CHD2: variants seen among roughly 807,000 people sequenced by gnomAD.
CHD2 encodes the protein ATP-dependent chromatin remodeler CHD2.
Under a neutral mutation model 243.9 loss-of-function variants are expected in CHD2, and 28 were observed. The ratio of observed to expected loss-of-function variants is 0.11; its 90% CI spans 0.09 to 0.16. The LOEUF is 0.16. Among genes scored for constraint, CHD2 ranks in the 10% least tolerant of loss-of-function variants. The probability of loss-of-function intolerance (pLI) is 1.00; values close to 1 mark genes in which losing one functional copy is unlikely to be tolerated. For missense variants in CHD2, 1,386 were observed against 2,209.8 expected (o/e 0.63, Z 7.47); for synonymous variants, 775 against 779.0 (o/e 0.99, Z 0.09).
At chr15:92,984,604 G>C (rs1365122357) in intron 25 of CHD2, 104 bp downstream of exon 25, 3 of 1,082,350 alleles carry the variant, frequency 2.8e-6, no homozygotes, top group African/African-American at 1.6e-5. Flanking sequence ...CCCTGACACA[G>C]AGGCTTCAGG....
chr15:92,962,356 A>G (rs1180123927), intron 16 of CHD2, among the ~76,000 whole-genome samples: 1 of 152,094 alleles, frequency 6.6e-6, no homozygotes, highest in African/African-American at 2.4e-5. Flanking sequence ...CATCCTGTAA[A>G]TACTGATAAT....
At chr15:92,915,682 T>C (rs2052821114) in intron 2 of CHD2, among the ~76,000 whole-genome samples, 1 of 152,254 alleles carries the variant, frequency 6.6e-6, no homozygotes, top group South Asian at 2.1e-4. Flanking sequence ...ATATGTTTTG[T>C]GTTTTAAAAA....
intron 34 of CHD2, among the ~76,000 whole-genome samples, chr15:93,006,470 C>T (rs956037928): frequency 7.2e-5 from 11 of 152,166 alleles, no homozygotes; most frequent in Admixed American, 2.6e-4. Context: ...ATTCTGAATT[C>T]GATGTTTATA....
rs1378268018 is a variant in CHD2 at position 93,024,389 on chromosome 15, A to G, written c.5171A>G (p.Lys1724Arg). 8.7e-6 allele frequency: 14 copies of G among 1,613,604 alleles called. No homozygotes were observed. Among genetic ancestry groups the G allele is most frequent in the Non-Finnish European group, 1.2e-5 (14 of 1,179,814 alleles). Residue 1724 changes from lysine (K) to arginine (R), a missense_variant, in exon 39 of 39, where the codon AAG (lysine) becomes AGG (arginine). Coordinates refer to ENST00000394196, the MANE Select transcript of CHD2 (RefSeq NM_001271.4). ...DYYDRHHHDS[K>R]RRRSDEFRPQ... Reference sequence around the variant, plus strand: ...TATTTCAGGCACCATCATGACTCCAAGCGGAGGAGATCCGATGAATTTAGG... The same window carrying G: ...TATTTCAGGCACCATCATGACTCCAGGCGGAGGAGATCCGATGAATTTAGG...
At chr15:92,993,087 G>GTGTGGTCCTCA in intron 28 of CHD2, 89 bp downstream of exon 28, 1 of 1,394,508 alleles carries the variant, frequency 7.2e-7, no homozygotes, top group Non-Finnish European at 1.0e-6. Context: ...GGACAGGCTT[G>GTGTGGTCCTCA]AGGACCACAC....
intron 24 of CHD2, among the ~76,000 whole-genome samples, chr15:92,983,564 T>TG (rs2054006028): frequency 6.6e-6 from 1 of 152,188 alleles, no homozygotes; most frequent in Admixed American, 6.5e-5. Context: ...GGAGCCAGGC[T>TG]GGGGGCTGCC....
intron 31 of CHD2, 66 bp from the exon 32 acceptor site, chr15:93,000,446 G>C: frequency 5.4e-6 from 8 of 1,471,242 alleles, no homozygotes; most frequent in Non-Finnish European, 7.3e-6. Flanking sequence ...GAGTCATCAT[G>C]TTGTTTGGTT....
At chr15:92,952,978 C>T (rs1331384590) in intron 13 of CHD2, among the ~76,000 whole-genome samples, 7 of 152,194 alleles carry the variant, frequency 4.6e-5, no homozygotes, top group Non-Finnish European at 7.4e-5. Flanking sequence ...GATTCACCAG[C>T]GGTGCTGATA....
intron 16 of CHD2, among the ~76,000 whole-genome samples, chr15:92,965,758 CAT>C (rs2053753848): frequency 7.7e-6 from 1 of 130,010 alleles, no homozygotes; most frequent in African/African-American, 2.9e-5. Context: ...ACTAGTGTCT[CAT>C]ATTAACTCCC....
intron 36 of CHD2, among the ~76,000 whole-genome samples, 159 bp from the exon 37 acceptor site, chr15:93,014,537 G>A (rs1225076720): frequency 6.6e-6 from 1 of 152,212 alleles, no homozygotes; most frequent in Non-Finnish European, 1.5e-5. Flanking sequence ...TAGCCTAACA[G>A]TGGAATTTAT....
chr15:92,973,825 G>T (rs1415618678), intron 19 of CHD2, among the ~76,000 whole-genome samples: 1 of 152,176 alleles, frequency 6.6e-6, no homozygotes, highest in Non-Finnish European at 1.5e-5. Flanking sequence ...CTACTAATGG[G>T]AATATTAAAA....
chr15:92,974,975 T>A (rs1214614934), intron 20 of CHD2, 25 bp downstream of exon 20: 1 of 1,592,778 alleles, frequency 6.3e-7, no homozygotes, highest in East Asian at 2.2e-5. Context: ...GCTTTGTTAT[T>A]TGAGCAACTT....
chr15:92,912,973 T>C (rs1415323467), intron 2 of CHD2, among the ~76,000 whole-genome samples: 1 of 152,236 alleles, frequency 6.6e-6, no homozygotes, highest in East Asian at 1.9e-4. Flanking sequence ...ACTCTTGCAC[T>C]GTTCTCTTTC....
In CHD2 at chr15:92,994,431, ATAT is replaced by A. The variant is rs1171446379; in HGVS notation, c.3595+1438_3595+1440del. Among the ~76,000 whole-genome samples, 8 of 152,054 alleles carry A rather than the reference ATAT, an allele frequency of 5.3e-5. No individual in the cohort carries two copies. In the East Asian group the frequency reaches 1.5e-3, roughly 29 times the overall value. On this transcript the variant is annotated intron_variant, in intron 28 of 38. Coordinates refer to ENST00000394196, the MANE Select transcript of CHD2 (RefSeq NM_001271.4). Reference sequence around the variant, plus strand: ...ATTTTATTATTCAATAATAACCTTAATATTATTGAATTTGATATAATTTAAAAA... The same window carrying A: ...ATTTTATTATTCAATAATAACCTTAATATTGAATTTGATATAATTTAAAAA...
In CHD2 at chr15:92,946,059, C is replaced by A; in HGVS notation, c.1220C>A (p.Pro407His). ...ATAGCTCATAGTCGGAAGCCGGCAC[C>A]CTCAAATGAGCCCGAATATCTATGT... ...DFPAHSRKPA[P>H]SNEPEYLCKW... Residue 407 changes from proline to histidine, a missense_variant, in exon 12 of 39, where the codon CCC (proline) becomes CAC (histidine). Coordinates refer to ENST00000394196, the MANE Select transcript of CHD2 (RefSeq NM_001271.4). 6.3e-7 allele frequency: 1 copy of A among 1,594,488 alleles called. No individual in the cohort carries two copies. Among genetic ancestry groups the A allele is most frequent in the Non-Finnish European group, 8.6e-7 (1 of 1,169,000 alleles).
At chr15:92,965,024 T>TTA (rs1252698440) in intron 16 of CHD2, among the ~76,000 whole-genome samples, 1 of 152,208 alleles carries the variant, frequency 6.6e-6, no homozygotes. Context: ...TTGGTCCTTA[T>TTA]TAAAGTAACC....
In CHD2 at chr15:92,974,964, G is replaced by A; in HGVS notation, c.2577+14G>A. 6.2e-7 allele frequency: 1 copy of A among 1,610,534 alleles called. No individual in the cohort carries two copies. The highest frequency in any genetic ancestry group is 8.5e-7 in the Non-Finnish European group (1 of 1,177,318). ...GATGGGTCTGAGGTATACTATGCAT[G>A]GCTTTGTTATTTGAGCAACTTGGGC... On this transcript the variant is annotated intron_variant, in intron 20 of 38. Transcript: ENST00000394196.
At chr15:92,924,243 A>T in intron 2 of CHD2, 78 bp from the exon 3 acceptor site, 2 of 1,281,848 alleles carry the variant, frequency 1.6e-6, no homozygotes, top group Non-Finnish European at 2.2e-6. Context: ...CAAATGTTTT[A>T]CCATGAGAAT....
intron 15 of CHD2, 133 bp from the exon 16 acceptor site, chr15:92,956,326 A>G (rs961448826): frequency 9.1e-6 from 6 of 658,264 alleles, no homozygotes; most frequent in South Asian, 2.0e-5. Flanking sequence ...GGCCTAATAT[A>G]TATTGTCAGT....
Sources: allele counts gnomAD v4.1 joint callset (sites outside exome capture counted in the v4.1 genomes callset), GRCh38; gene constraint gnomAD v4.1.1; transcripts MANE v1.5; gene names NCBI Gene and HGNC (gene_info 2026-07-23, HGNC 2026-07-21).